SPIN1: variants seen among roughly 807,000 people sequenced by gnomAD.
SPIN1 encodes spindlin 1, also known as spindlin-1.
SPIN1 carries 3 observed loss-of-function variants against 26.0 expected under a neutral mutation model. That is an observed-to-expected ratio of 0.12 (90% CI 0.05 to 0.30). The LOEUF is 0.30. Among genes scored for constraint, SPIN1 ranks in the 10% least tolerant of loss-of-function variants. SPIN1 has a pLI of 1.00. For missense variants in SPIN1, 126 were observed against 333.4 expected, an observed-to-expected ratio of 0.38 and a Z score of 4.84; for synonymous variants, 101 against 116.5, an observed-to-expected ratio of 0.87 and a Z score of 0.86.
At chr9:88,399,986 G>T (rs1393896391) in intron 1 of SPIN1, among the ~76,000 whole-genome samples, 1 of 152,220 alleles carries the variant, frequency 6.6e-6, no homozygotes, top group African/African-American at 2.4e-5. Flanking sequence ...GTCAGATTCT[G>T]TTTAAGCTGG....
intron 1 of SPIN1, among the ~76,000 whole-genome samples, chr9:88,424,131 A>G (rs1827721943): frequency 6.6e-6 from 1 of 152,148 alleles, no homozygotes; most frequent in Admixed American, 6.5e-5. Context: ...GAGAAAAAGT[A>G]TGGGATTGAT....
At chr9:88,401,383 C>T (rs949907149) in intron 1 of SPIN1, among the ~76,000 whole-genome samples, 3 of 152,102 alleles carry the variant, frequency 2.0e-5, no homozygotes, top group Non-Finnish European at 4.4e-5. Flanking sequence ...ATACAGCCAT[C>T]CCTCCATATC....
chr9:88,428,392 C>A (rs1166501903), intron 2 of SPIN1, among the ~76,000 whole-genome samples: 2 of 152,084 alleles, frequency 1.3e-5, no homozygotes, highest in Admixed American at 6.5e-5. Flanking sequence ...CCACATGAAC[C>A]CAAGATTTAG....
intron 2 of SPIN1, among the ~76,000 whole-genome samples, chr9:88,428,776 G>C (rs1827808611): frequency 6.6e-6 from 1 of 152,078 alleles, no homozygotes; most frequent in African/African-American, 2.4e-5. Context: ...ATCCTAGTTG[G>C]CGTGTGAGAT....
chr9:88,428,958 C>T (rs776728412), intron 2 of SPIN1, among the ~76,000 whole-genome samples: 2 of 152,132 alleles, frequency 1.3e-5, no homozygotes, highest in Non-Finnish European at 2.9e-5. Flanking sequence ...TCACTGCAGC[C>T]TTGAACTCCT....
At chr9:88,393,647 G>A (rs553956126) in intron 1 of SPIN1, among the ~76,000 whole-genome samples, 3 of 151,782 alleles carry the variant, frequency 2.0e-5, no homozygotes, top group African/African-American at 4.8e-5. Flanking sequence ...GTAGAGACGG[G>A]GGTTTCATCA....
chr9:88,456,713 G>T (rs1373459002), intron 3 of SPIN1, among the ~76,000 whole-genome samples: 1 of 152,080 alleles, frequency 6.6e-6, no homozygotes, highest in African/African-American at 2.4e-5. Context: ...ATCTTGACTT[G>T]CATCTACAAA....
chr9:88,406,096 C>G (rs1307160835), intron 1 of SPIN1, among the ~76,000 whole-genome samples: 1 of 151,500 alleles, frequency 6.6e-6, no homozygotes, highest in Non-Finnish European at 1.5e-5. Context: ...GTCTCCAACC[C>G]TTGGACTCAA....
chr9:88,457,438 G>A (rs1828493080), intron 3 of SPIN1, among the ~76,000 whole-genome samples: 3 of 152,176 alleles, frequency 2.0e-5, no homozygotes, highest in Middle Eastern at 3.4e-3. Flanking sequence ...GCTGAGGCAC[G>A]AGAATCACGT....
intron 2 of SPIN1, among the ~76,000 whole-genome samples, chr9:88,440,346 A>T (rs535314311): frequency 4.6e-5 from 7 of 151,718 alleles, no homozygotes; most frequent in Non-Finnish European, 1.0e-4. Flanking sequence ...AAAAATAGAG[A>T]CAGAGTTTCA....
chr9:88,400,156 C>G (rs1827156525), intron 1 of SPIN1, among the ~76,000 whole-genome samples: 1 of 152,164 alleles, frequency 6.6e-6, no homozygotes, highest in South Asian at 2.1e-4. Context: ...AGAATCTGCC[C>G]TGTAATCCTT....
intron 2 of SPIN1, among the ~76,000 whole-genome samples, chr9:88,427,551 G>C (rs1564029697): frequency 6.6e-6 from 1 of 151,974 alleles, no homozygotes; most frequent in Non-Finnish European, 1.5e-5. Context: ...TAGTCCTCTT[G>C]AGCCTTAGTT....
At chr9:88,448,293 C>T (rs1828291289) in intron 2 of SPIN1, among the ~76,000 whole-genome samples, 1 of 152,132 alleles carries the variant, frequency 6.6e-6, no homozygotes, top group Non-Finnish European at 1.5e-5. Context: ...ATCCACCCGA[C>T]TTGGCCTCCC....
At chr9:88,457,820 G>GA (rs1347117645) in intron 3 of SPIN1, 4 of 980,752 alleles carry the variant, frequency 4.1e-6, no homozygotes, top group South Asian at 4.7e-5. Context: ...ATATACATGA[G>GA]AAAAAAATGT....
At chr9:88,427,791 G>C (rs1587791770) in intron 2 of SPIN1, among the ~76,000 whole-genome samples, 1 of 151,962 alleles carries the variant, frequency 6.6e-6, no homozygotes. Flanking sequence ...TAGAGATGGG[G>C]TTTTGCCATG....
At chr9:88,409,513 A>G (rs1473744774) in intron 1 of SPIN1, among the ~76,000 whole-genome samples, 1 of 151,774 alleles carries the variant, frequency 6.6e-6, no homozygotes, top group East Asian at 2.0e-4. Context: ...ACCGTGGTTC[A>G]GTTTTAGGGA....
intron 2 of SPIN1, among the ~76,000 whole-genome samples, chr9:88,444,008 C>A (rs562715476): frequency 6.0e-4 from 91 of 152,030 alleles, no homozygotes; most frequent in African/African-American, 2.1e-3. Context: ...GGTTTCTGAT[C>A]TAGTAAGTTG....
chr9:88,400,067 G>A lies in SPIN1; in HGVS notation c.-159+11529G>A, dbSNP rs144065769. Among the ~76,000 whole-genome samples, 933 of 152,174 alleles carry A rather than the reference G, an allele frequency of 6.1e-3. 8 individuals are homozygous for A. Among genetic ancestry groups the A allele is most frequent in the Non-Finnish European group, 8.1e-3 (551 of 68,004 alleles). ...GCAGCCTTTCCAACCCTTCCCAGAG[G>A]AACTTAATCTCCGTTTGCCTGAAAA... On this transcript the variant is annotated intron_variant, in intron 1 of 5. Transcript: ENST00000375859.
At chr9:88,451,752 G>A (rs183359695) in intron 3 of SPIN1, among the ~76,000 whole-genome samples, 1 of 152,084 alleles carries the variant, frequency 6.6e-6, no homozygotes, top group African/African-American at 2.4e-5. Context: ...GTATAGACAG[G>A]GTTTCACTGT....
Sources: gnomAD v4.1 joint callset for allele counts (sites outside exome capture counted in the v4.1 genomes callset) on GRCh38, gnomAD v4.1.1 for gene constraint, MANE v1.5 for transcripts, NCBI Gene and HGNC (gene_info 2026-07-23, HGNC 2026-07-21) for gene names.